DCLRE1B: variants seen among roughly 807,000 people sequenced by gnomAD.
DCLRE1B encodes the protein DNA cross-link repair 1B, also known as 5' exonuclease Apollo.
A neutral mutation model predicts 19.8 loss-of-function variants in DCLRE1B; 6 were observed. That is an observed-to-expected ratio of 0.30 (90% CI 0.17 to 0.60). The LOEUF is 0.60. Among genes scored for constraint, DCLRE1B ranks in the 20% least tolerant of loss-of-function variants. The probability of loss-of-function intolerance (pLI) is 0.87; values close to 1 mark genes in which losing one functional copy is unlikely to be tolerated. For synonymous variants in DCLRE1B, 258 were observed against 255.7 expected (o/e 1.01, Z -0.09); for missense variants, 622 against 654.2 (o/e 0.95, Z 0.54).
Position 113,908,037 on chromosome 1 carries a change from A to T in DCLRE1B, c.384A>T (p.Leu128=), listed in dbSNP as rs779829698. 2 of 1,614,078 alleles carry T rather than the reference A, an allele frequency of 1.2e-6. No homozygotes were observed. The highest frequency in any genetic ancestry group is 2.2e-5 in the South Asian group (2 of 91,070). ...TGDFRYTPSM[L]KEPALTLGKQ... ...ATTTTCGATACACACCATCCATGCT[A>T]AAGGAGCCAGCCCTGACACTGGGGA... The change falls in exon 3 of 4, where the codon CTA becomes CTT. Residue 128 remains leucine, a synonymous_variant. Transcript: ENST00000650450.
intron 3 of DCLRE1B, among the ~76,000 whole-genome samples, chr1:113,910,343 A>G (rs1669207258): frequency 6.6e-6 from 1 of 152,092 alleles, no homozygotes; most frequent in South Asian, 2.1e-4. Context: ...TTTCTTATCA[A>G]TTCCTTTTTT....
chr1:113,905,365 G>T lies in DCLRE1B; in HGVS notation c.-222G>T. 1 of 554,032 alleles carries T rather than the reference G, an allele frequency of 1.8e-6. No homozygotes were observed. Among genetic ancestry groups the T allele is most frequent in the Non-Finnish European group, 3.1e-6 (1 of 320,064 alleles). The allele number at this position is 554,032 out of a possible 1,614,324, so 34.3% of individuals were successfully genotyped here. On this transcript the variant is annotated 5_prime_UTR_variant, in exon 1 of 4. Transcript: ENST00000650450. ...GCTCGGCCTCCGCTCCCGCGCGGTT[G>T]GGAGTGTCCAGCGCCCTCCGCGATT...
rs1571613576 is a variant in DCLRE1B, at chr1:113,911,725, T to C, written c.1133T>C (p.Leu378Pro). Reference sequence around the variant, plus strand: ...TCAAAGAAGGCCAAGAAAGAGAAACTTTCTCCCTGGCCTGCGGACCTTGAA... The same window carrying C: ...TCAAAGAAGGCCAAGAAAGAGAAACCTTCTCCCTGGCCTGCGGACCTTGAA... ...RDSKKAKKEK[L>P]SPWPADLEKQ... Residue 378 changes from leucine (L) to proline (P), a missense_variant, in exon 4 of 4, where the codon CTT (leucine) becomes CCT (proline). Around this residue, in one of 3 missense-constraint regions of DCLRE1B, gnomAD observed 382 missense variants for 412.5 expected, o/e 0.93. Coordinates refer to ENST00000650450, the MANE Select transcript of DCLRE1B (RefSeq NM_022836.4). 6.2e-7 allele frequency: 1 copy of C among 1,614,056 alleles called. No individual in the cohort carries two copies. The highest frequency in any genetic ancestry group is 2.2e-5 in the East Asian group (1 of 44,876).
In DCLRE1B at chr1:113,905,787, G is replaced by C; in HGVS notation, c.189+12G>C. 1 of 1,603,436 alleles carries C rather than the reference G, an allele frequency of 6.2e-7. No individual in the cohort carries two copies. Among genetic ancestry groups the C allele is most frequent in the Non-Finnish European group, 8.5e-7 (1 of 1,173,002 alleles). On this transcript the variant is annotated intron_variant, in intron 1 of 3. Coordinates refer to ENST00000650450, the MANE Select transcript of DCLRE1B (RefSeq NM_022836.4). ...ATCGTCACCTACAGGTATGGGGCTG[G>C]AGTCGGTCTCCGAGAGCTGGTCCAG...
intron 1 of DCLRE1B, 65 bp from the exon 2 acceptor site, chr1:113,906,931 T>A: frequency 6.3e-7 from 1 of 1,580,700 alleles, no homozygotes; most frequent in South Asian, 1.1e-5. Flanking sequence ...TAAGGGATAG[T>A]CCCTGACCCG....
In DCLRE1B at chr1:113,907,216, T is replaced by TTTTTTTTTG. The variant is rs1669063786; in HGVS notation, c.355+63_355+64insGTTTTTTTT. On this transcript the variant is annotated intron_variant, in intron 2 of 3. Transcript: ENST00000650450. ...CTCCAGACTAGATGTTTTTTTTTTT[T>TTTTTTTTTG]TTTTTTTTTTTTTTTTTTAATGTAT... 1.0e-5 allele frequency: 12 copies of TTTTTTTTTG among 1,169,654 alleles called. No homozygotes were observed. In the African/African-American group the frequency reaches 2.3e-4, roughly 23 times the overall value. 72.5% of individuals were successfully genotyped at this position (1,169,654 alleles called of 1,614,324 possible). A position where few individuals can be genotyped will look rare whatever the true frequency, so the allele number is the denominator to read the frequency against.
At position 113,905,340 on chromosome 1, in the gene DCLRE1B, G is replaced by A. The variant is rs1043963442; in HGVS notation, c.-247G>A. ...CTGCAGCGCGCGCTTTGAGTGCCCG[G>A]CTCGGCCTCCGCTCCCGCGCGGTTG... is the stretch of plus-strand genomic sequence containing the variant. On this transcript the variant is annotated 5_prime_UTR_variant, in exon 1 of 4. Coordinates refer to ENST00000650450, the MANE Select transcript of DCLRE1B (RefSeq NM_022836.4). The A allele has an allele frequency of 5.9e-6, 3 of 507,426 alleles. No individual in the cohort carries two copies. The highest frequency in any genetic ancestry group is 2.6e-5 in the South Asian group (1 of 38,100). The allele number at this position is 507,426 out of a possible 1,614,324, so 31.4% of individuals were successfully genotyped here.
At chr1:113,906,046 C>CTTTTTTTT (rs1159693224) in intron 1 of DCLRE1B, among the ~76,000 whole-genome samples, 1 of 68,102 alleles carries the variant, frequency 1.5e-5, no homozygotes, top group Non-Finnish European at 2.6e-5. Flanking sequence ...CCAAACTTGC[C>CTTTTTTTT]TTTTTTTTTT....
Position 113,905,454 on chromosome 1 carries a change from G to A in DCLRE1B, c.-133G>A. 1 of 868,416 alleles carries A rather than the reference G, an allele frequency of 1.2e-6. No homozygotes were observed. The highest frequency in any genetic ancestry group is 1.6e-5 in the South Asian group (1 of 61,952). The allele number at this position is 868,416 out of a possible 1,614,324, so 53.8% of individuals were successfully genotyped here. ...ACTCTGGTAACTTATTGCTCTGCTG[G>A]GCTCTTTCCCTTAGGGTCTCTGGCC... On this transcript the variant is annotated 5_prime_UTR_variant, in exon 1 of 4. Coordinates refer to ENST00000650450, the MANE Select transcript of DCLRE1B (RefSeq NM_022836.4).
upstream of DCLRE1B, chr1:113,905,193 C>G (rs547372260): frequency 4.9e-4 from 165 of 338,910 alleles, 1 homozygote; most frequent in African/African-American, 3.4e-3. Flanking sequence ...TAAGCGTAGT[C>G]CCGACTCCGA....
rs139388793 is a variant in DCLRE1B, at chr1:113,911,296, T to C, written c.704T>C (p.Met235Thr). 1.2e-6 allele frequency: 2 copies of C among 1,614,018 alleles called. No homozygotes were observed. Among genetic ancestry groups the C allele is most frequent in the African/African-American group, 1.3e-5 (1 of 74,898 alleles). Residue 235 changes from methionine to threonine, a missense_variant, in exon 4 of 4, where the codon ATG becomes ACG. This residue lies in a region of DCLRE1B where 382 missense variants were observed against 412.5 expected (regional missense o/e 0.93). Transcript: ENST00000650450. Reference protein sequence around the residue: ...KAGRIHAVDHMEICHSNMLRW... With the variant: ...KAGRIHAVDHTEICHSNMLRW... ...GGCCGCATCCATGCAGTAGACCATA[T>C]GGAGATCTGCCATTCCAACATGCTG...
chr1:113,910,639 C>G lies in DCLRE1B; in HGVS notation c.539-492C>G, dbSNP rs28381078. On this transcript the variant is annotated intron_variant, in intron 3 of 3. Transcript: ENST00000650450. ...GCGTCAGCTTCCTGTGTACCAGGAA[C>G]TATAGGCGTGCACCAACATGCTTAT... Among the ~76,000 whole-genome samples the G allele has an allele frequency of 3.8e-4, 58 of 152,210 alleles. No individual in the cohort carries two copies. The East Asian group carries it at 0.01, about 27-fold the overall frequency.
intron 2 of DCLRE1B, 43 bp downstream of exon 2, chr1:113,907,204 G>GTTATTTTTTTTTTTT (rs1558106756): frequency 2.1e-6 from 1 of 465,990 alleles, no homozygotes. Context: ...CAGACTAGAT[G>GTTATTTTTTTTTTTT]TTTTTTTTTT....
chr1:113,912,285 C>T lies in DCLRE1B; in HGVS notation c.*94C>T. The T allele has an allele frequency of 7.7e-7, 1 of 1,304,288 alleles. No individual in the cohort carries two copies. Among genetic ancestry groups the T allele is most frequent in the South Asian group, 1.5e-5 (1 of 68,294 alleles). The allele number at this position is 1,304,288 out of a possible 1,614,324, so 80.8% of individuals were successfully genotyped here. ...GTGGGAAAGAGTTTGTTTTTGGGGC[C>T]TACTTTTCTATCTTTACAAGACTCT... is the stretch of plus-strand genomic sequence containing the variant. On this transcript the variant is annotated 3_prime_UTR_variant, in exon 4 of 4. Transcript: ENST00000650450.
chr1:113,904,912 G>A, upstream of DCLRE1B: 1 of 598,744 alleles, frequency 1.7e-6, no homozygotes, highest in Non-Finnish European at 3.1e-6. Context: ...GCGACACCGC[G>A]AGCCCCACCC....
chr1:113,905,740 C>T lies in DCLRE1B; in HGVS notation c.154C>T (p.Pro52Ser), dbSNP rs1165137438. The change falls in exon 1 of 4, where the codon CCA becomes TCA. Residue 52 changes from proline to serine, a missense_variant. Pro to Ser is a moderately conservative substitution (Grantham distance 74). Transcript: ENST00000650450. ...STWARPLYCS[P>S]ITAHLLHRHL... ...CTGGGCCCGGCCCCTCTACTGCTCC[C>T]CAATTACAGCCCACCTCTTGCATCG... is the stretch of plus-strand genomic sequence containing the variant. 6 of 1,613,984 alleles carry T rather than the reference C, an allele frequency of 3.7e-6. No homozygotes were observed. The highest frequency in any genetic ancestry group is 5.1e-6 in the Non-Finnish European group (6 of 1,179,928).
chr1:113,905,496 A>G lies in DCLRE1B; in HGVS notation c.-91A>G, dbSNP rs1668864194. The G allele has an allele frequency of 7.4e-7, 1 of 1,356,550 alleles. No homozygotes were observed. Among genetic ancestry groups the G allele is most frequent in the Admixed American group, 2.0e-5 (1 of 50,854 alleles). The allele number at this position is 1,356,550 out of a possible 1,614,324, so 84.0% of individuals were successfully genotyped here. ...TCTCTGGCCCTGTTCTTGCCCCAGC[A>G]TGACTTTTATCGGGACGCCGTTGTG... On this transcript the variant is annotated 5_prime_UTR_variant, in exon 1 of 4. An upstream start codon of the reference 5' UTR is lost. Coordinates refer to ENST00000650450, the MANE Select transcript of DCLRE1B (RefSeq NM_022836.4).
chr1:113,904,756 G>A, upstream of DCLRE1B: 1 of 1,541,066 alleles, frequency 6.5e-7, no homozygotes, highest in South Asian at 1.1e-5. Flanking sequence ...CAGCTCCCAC[G>A]GTAACTCGAG....
At position 113,905,710 on chromosome 1, in the gene DCLRE1B, A is replaced by G; in HGVS notation, c.124A>G (p.Ser42Gly). The part of the protein sequence containing the change: ...MHSDHTVGLS[S>G]TWARPLYCSP... ...CTCGGACCACACCGTGGGCCTGTCTAGCACCTGGGCCCGGCCCCTCTACTG... is the reference window on the plus strand; with the variant it reads ...CTCGGACCACACCGTGGGCCTGTCTGGCACCTGGGCCCGGCCCCTCTACTG... The change falls in exon 1 of 4, where the codon AGC (serine) becomes GGC (glycine). Residue 42 changes from serine to glycine, a missense_variant. Around this residue, in one of 3 missense-constraint regions of DCLRE1B, gnomAD observed 237 missense variants for 223.8 expected, o/e 1.06. Coordinates refer to ENST00000650450, the MANE Select transcript of DCLRE1B (RefSeq NM_022836.4). 2 of 1,614,150 alleles carry G rather than the reference A, an allele frequency of 1.2e-6. No individual in the cohort carries two copies. Among genetic ancestry groups the G allele is most frequent in the Non-Finnish European group, 1.7e-6 (2 of 1,180,034 alleles).
Sources: gnomAD v4.1 joint callset for allele counts (sites outside exome capture counted in the v4.1 genomes callset) on GRCh38, gnomAD v4.1.1 for gene constraint, gnomAD v4.1.1 regional missense constraint, MANE v1.5 for transcripts, NCBI Gene and HGNC (gene_info 2026-07-23, HGNC 2026-07-21) for gene names.